The following NXPH4 variants were observed in gnomAD, a reference collection of about 807,000 sequenced individuals.
The protein encoded by NXPH4 is neurexophilin-4.
Under a neutral mutation model 21.3 loss-of-function variants are expected in NXPH4, and 8 were observed. That is an observed-to-expected ratio of 0.38 (90% CI 0.22 to 0.68). NXPH4 has a LOEUF of 0.68. Among genes scored for constraint, NXPH4 ranks in the 30% least tolerant of loss-of-function variants. NXPH4 has a pLI of 0.53. For missense variants in NXPH4, 418 were observed against 416.8 expected, an observed-to-expected ratio of 1.00 and a Z score of -0.03; for synonymous variants, 219 against 192.6, an observed-to-expected ratio of 1.14 and a Z score of -1.13.
At position 57,225,049 on chromosome 12, in the gene NXPH4, C is replaced by A; in HGVS notation, c.229C>A (p.Leu77Met). The A allele has an allele frequency of 2.0e-6, 3 of 1,476,930 alleles. No individual in the cohort carries two copies. The highest frequency in any genetic ancestry group is 1.8e-4 in the Middle Eastern group (1 of 5,656). The allele number at this position is 1,476,930 out of a possible 1,614,324, so 91.5% of individuals were successfully genotyped here. ...WAWPTNHTGA[L>M]ARAGAAGALP... ...CTGGCCGACCAACCACACGGGGGCGCTGGCCCGGGCAGGGGCAGCCGGGGC... is the reference window on the plus strand; with the variant it reads ...CTGGCCGACCAACCACACGGGGGCGATGGCCCGGGCAGGGGCAGCCGGGGC... Residue 77 changes from leucine to methionine, a missense_variant, in exon 2 of 2, where the codon CTG becomes ATG. Transcript: ENST00000349394.
chr12:57,219,365 TC>T (rs1447490535), intron 1 of NXPH4, among the ~76,000 whole-genome samples: 2 of 152,168 alleles, frequency 1.3e-5, no homozygotes, highest in Non-Finnish European at 2.9e-5. Context: ...AGTCTCTGAC[TC>T]CTTTCCCTCT....
intron 1 of NXPH4, among the ~76,000 whole-genome samples, chr12:57,218,286 C>G (rs2037058744): frequency 6.6e-6 from 1 of 152,232 alleles, no homozygotes; most frequent in Non-Finnish European, 1.5e-5. Context: ...CCCTGGCCCT[C>G]CCAGCCCCAC....
chr12:57,225,088 C>T lies in NXPH4; in HGVS notation c.268C>T (p.Arg90Cys), dbSNP rs1295951485. 6.7e-7 allele frequency: 1 copy of T among 1,482,384 alleles called. No homozygotes were observed. Among genetic ancestry groups the T allele is most frequent in the Middle Eastern group, 1.8e-4 (1 of 5,590 alleles). 91.8% of individuals were successfully genotyped at this position (1,482,384 alleles called of 1,614,324 possible). ...AGAAGALPAQ[R>C]TKRKPSIKAA... ...GGCAGCCGGGGCGTTGCCCGCGCAG[C>T]GCACCAAGAGGAAGCCGTCCATCAA... Residue 90 changes from arginine (R) to cysteine (C), a missense_variant, in exon 2 of 2, where the codon CGC (arginine) becomes TGC (cysteine). Physicochemically the swap from Arg to Cys is radical, Grantham distance 180 (BLOSUM62 -3). Coordinates refer to ENST00000349394, the MANE Select transcript of NXPH4 (RefSeq NM_007224.4).
intron 1 of NXPH4, among the ~76,000 whole-genome samples, chr12:57,222,055 C>T (rs1345377073): frequency 6.6e-6 from 1 of 152,140 alleles, no homozygotes; most frequent in African/African-American, 2.4e-5. Context: ...CACGAGCAAT[C>T]AAGGGAGCCA....
chr12:57,225,579 G>T lies in NXPH4; in HGVS notation c.759G>T (p.Pro253=). 1 of 1,613,032 alleles carries T rather than the reference G, an allele frequency of 6.2e-7. No individual in the cohort carries two copies. The highest frequency in any genetic ancestry group is 1.1e-5 in the South Asian group (1 of 91,068). Residue 253 remains proline, a synonymous_variant, in exon 2 of 2, where the codon CCG becomes CCT. Coordinates refer to ENST00000349394, the MANE Select transcript of NXPH4 (RefSeq NM_007224.4). The part of the protein sequence containing the change: ...ARKHRPCLYD[P]SQVCFTEHTQ... ...AGCACCGACCGTGCCTGTACGACCC[G>T]TCGCAGGTGTGCTTCACCGAGCACA... is the stretch of plus-strand genomic sequence containing the variant.
At chr12:57,217,392 TCA>T (rs2037051224) in intron 1 of NXPH4, among the ~76,000 whole-genome samples, 1 of 152,204 alleles carries the variant, frequency 6.6e-6, no homozygotes, top group South Asian at 2.1e-4. Flanking sequence ...CTCGCCTGCC[TCA>T]CTGTCTGTCT....
In NXPH4 at chr12:57,225,055, C is replaced by A. The variant is rs774346307; in HGVS notation, c.235C>A (p.Arg79=). 2.0e-6 allele frequency: 3 copies of A among 1,474,904 alleles called. No homozygotes were observed. Among genetic ancestry groups the A allele is most frequent in the Admixed American group, 2.5e-5 (1 of 39,684 alleles). The allele number at this position is 1,474,904 out of a possible 1,614,324, so 91.4% of individuals were successfully genotyped here. The part of the protein sequence containing the change: ...WPTNHTGALA[R]AGAAGALPAQ... ...GACCAACCACACGGGGGCGCTGGCC[C>A]GGGCAGGGGCAGCCGGGGCGTTGCC... The change falls in exon 2 of 2, where the codon CGG becomes AGG. Residue 79 remains arginine, a synonymous_variant. Transcript: ENST00000349394.
intron 1 of NXPH4, among the ~76,000 whole-genome samples, chr12:57,219,434 G>A (rs1036704891): frequency 2.0e-5 from 3 of 152,140 alleles, no homozygotes; most frequent in Non-Finnish European, 4.4e-5. Flanking sequence ...AGCAGCAGGC[G>A]ATCAATAGTC....
chr12:57,220,935 T>C (rs1003704009), intron 1 of NXPH4, among the ~76,000 whole-genome samples: 3 of 143,876 alleles, frequency 2.1e-5, no homozygotes, highest in Non-Finnish European at 4.6e-5. Flanking sequence ...TCATCCACCA[T>C]TCCTGTCCCC....
intron 1 of NXPH4, among the ~76,000 whole-genome samples, chr12:57,223,084 C>T (rs1012348383): frequency 6.6e-6 from 1 of 152,176 alleles, no homozygotes; most frequent in African/African-American, 2.4e-5. Flanking sequence ...CAGTGTAGGA[C>T]ACCTCCCCAG....
chr12:57,226,019 C>A lies in NXPH4; in HGVS notation c.*272C>A. On this transcript the variant is annotated 3_prime_UTR_variant, in exon 2 of 2. Coordinates refer to ENST00000349394, the MANE Select transcript of NXPH4 (RefSeq NM_007224.4). Reference sequence around the variant, plus strand: ...GAATAGGCGGGGCTTGGAGGCGGTCCCAATGTCCCCTGGGTCCACAGTGGG... The same window carrying A: ...GAATAGGCGGGGCTTGGAGGCGGTCACAATGTCCCCTGGGTCCACAGTGGG... 1 of 1,125,190 alleles carries A rather than the reference C, an allele frequency of 8.9e-7. No homozygotes were observed. Among genetic ancestry groups the A allele is most frequent in the Non-Finnish European group, 1.2e-6 (1 of 830,720 alleles). The allele number at this position is 1,125,190 out of a possible 1,614,324, so 69.7% of individuals were successfully genotyped here. A position where few individuals can be genotyped will look rare whatever the true frequency, so the allele number is the denominator to read the frequency against.
chr12:57,218,449 A>G (rs920697532), intron 1 of NXPH4, among the ~76,000 whole-genome samples: 1 of 152,118 alleles, frequency 6.6e-6, no homozygotes, highest in Non-Finnish European at 1.5e-5. Flanking sequence ...CCACCCACCC[A>G]TGTGTGAAGG....
chr12:57,216,978 G>A lies in NXPH4; in HGVS notation c.9G>A (p.Leu3=), dbSNP rs2037045208. The A allele has an allele frequency of 1.0e-5, 16 of 1,602,196 alleles. No homozygotes were observed. Among genetic ancestry groups the A allele is most frequent in the African/African-American group, 1.3e-5 (1 of 74,096 alleles). The stretch of plus-strand genomic sequence containing the variant: ...CTCAGCCGCCAGAGAAGATGCGGCT[G>A]CTCCCGGAATGGTTCCTCTTGCTCT... The part of the protein sequence containing the change: MR[L]LPEWFLLLFG... Residue 3 remains leucine, a synonymous_variant, in exon 1 of 2, where the codon CTG becomes CTA. Transcript: ENST00000349394. The surrounding 1 kb of genome is among the most constrained non-coding windows in gnomAD (Gnocchi z 5.3).
At position 57,226,101 on chromosome 12, in the gene NXPH4, A is replaced by G; in HGVS notation, c.*354A>G. The G allele has an allele frequency of 2.1e-6, 1 of 474,808 alleles. No individual in the cohort carries two copies. The highest frequency in any genetic ancestry group is 3.6e-6 in the Non-Finnish European group (1 of 281,396). 29.4% of individuals were successfully genotyped at this position (474,808 alleles called of 1,614,324 possible). On this transcript the variant is annotated 3_prime_UTR_variant, in exon 2 of 2. Coordinates refer to ENST00000349394, the MANE Select transcript of NXPH4 (RefSeq NM_007224.4). ...ACTCCCTTTCCCCGCAGCTTTAATA[A>G]CTCCTGGCCTGGCACCCTCACCCCA...
rs2037125780 is a variant in NXPH4, at chr12:57,224,888, C to T, written c.68C>T (p.Ala23Val). ...GPWLLRKAVS[A>V]QIPESGRPQY... ...TTTCTTCGTGCACAGGCCGTCAGTG[C>T]CCAGATACCAGAGTCCGGAAGGCCG... The change falls in exon 2 of 2, where the codon GCC (alanine) becomes GTC (valine). Residue 23 changes from alanine to valine, a missense_variant. By Grantham distance (64) the Ala-to-Val change is moderately conservative. Coordinates refer to ENST00000349394, the MANE Select transcript of NXPH4 (RefSeq NM_007224.4). The T allele has an allele frequency of 1.0e-6, 1 of 983,838 alleles. No homozygotes were observed. Among genetic ancestry groups the T allele is most frequent in the Non-Finnish European group, 1.4e-6 (1 of 704,084 alleles). 60.9% of individuals were successfully genotyped at this position (983,838 alleles called of 1,614,324 possible).
Position 57,224,448 on chromosome 12 carries a change from A to G in NXPH4, c.58-430A>G, listed in dbSNP as rs149425397. On this transcript the variant is annotated intron_variant, in intron 1 of 1. Coordinates refer to ENST00000349394, the MANE Select transcript of NXPH4 (RefSeq NM_007224.4). ...GCGGGAGCCTCTTTCTTGATGCTGG[A>G]TGTTAATGTGGTCACAGCCTCCCTG... Among the ~76,000 whole-genome samples, 179 of 152,220 alleles carry G rather than the reference A, an allele frequency of 1.2e-3. 1 individual carries two copies. The highest frequency in any genetic ancestry group is 3.9e-3 in the African/African-American group (163 of 41,524).
At position 57,216,871 on chromosome 12, in the gene NXPH4, C is replaced by A. The variant is rs1447290554; in HGVS notation, c.-99C>A. ...CCGCTCCCGCCGCTCCCGCCGCTCC[C>A]GCAGCCGCCCCGCCGCCCGCCCGGA... On this transcript the variant is annotated 5_prime_UTR_variant, in exon 1 of 2. Transcript: ENST00000349394. The surrounding 1 kb of genome is among the most constrained non-coding windows in gnomAD (Gnocchi z 5.3). 5 of 692,602 alleles carry A rather than the reference C, an allele frequency of 7.2e-6. No individual in the cohort carries two copies. The highest frequency in any genetic ancestry group is 2.2e-5 in the African/African-American group (1 of 44,552). The allele number at this position is 692,602 out of a possible 1,614,324, so 42.9% of individuals were successfully genotyped here.
chr12:57,224,144 G>T (rs2037119313), intron 1 of NXPH4, among the ~76,000 whole-genome samples: 1 of 150,430 alleles, frequency 6.6e-6, no homozygotes, highest in African/African-American at 2.5e-5. Context: ...TTTTTTTTCT[G>T]AGAGGGAGTC....
chr12:57,224,841 A>C (rs752804059), intron 1 of NXPH4, 37 bp from the exon 2 acceptor site: 2 of 639,636 alleles, frequency 3.1e-6, no homozygotes. Context: ...GCGGGGGACA[A>C]CCCCAGCGTC....
Sources: allele counts gnomAD v4.1 joint callset (sites outside exome capture counted in the v4.1 genomes callset), GRCh38; gene constraint gnomAD v4.1.1; non-coding constraint Gnocchi (gnomAD v3.1); transcripts MANE v1.5; gene names NCBI Gene and HGNC (gene_info 2026-07-23, HGNC 2026-07-21).